The following OPCML variants were observed in gnomAD, a reference collection of about 807,000 sequenced individuals.
The protein encoded by OPCML is opioid-binding protein/cell adhesion molecule.
A neutral mutation model predicts 37.8 loss-of-function variants in OPCML; 13 were observed. That is an observed-to-expected ratio of 0.34 (90% confidence interval 0.22 to 0.55). The LOEUF (loss-of-function observed/expected upper bound fraction) is 0.55. Ranked by LOEUF, OPCML falls within the 20% of genes least tolerant of loss-of-function variation. The pLI is 0.91. For synonymous variants in OPCML, 176 were observed against 168.8 expected, an observed-to-expected ratio of 1.04 and a Z score of -0.33; for missense variants, 341 against 435.6, an observed-to-expected ratio of 0.78 and a Z score of 1.93.
intron 2 of OPCML, 111 bp from the exon 3 acceptor site, chr11:132,657,430 C>T: frequency 6.8e-7 from 1 of 1,464,440 alleles, no homozygotes; most frequent in Non-Finnish European, 9.0e-7. Flanking sequence ...AATGAAACAA[C>T]AAAACACAGT....
chr11:132,814,322 G>A (rs1206267305), intron 2 of OPCML, among the ~76,000 whole-genome samples: 3 of 152,116 alleles, frequency 2.0e-5, no homozygotes, highest in Non-Finnish European at 2.9e-5. Flanking sequence ...CGGTTATGGA[G>A]GCTGAGAAAC....
At position 133,458,559 on chromosome 11, in the gene OPCML, ATACACATATATACACGTGTGTG is replaced by A. The variant is rs1306498984; in HGVS notation, c.61+73683_61+73704del. 5.7e-3 allele frequency among the ~76,000 whole-genome samples: 500 copies of A among 87,366 alleles called. 142 individuals carry two copies. Among genetic ancestry groups the A allele is most frequent in the African/African-American group, 0.04 (378 of 9,556 alleles). The allele number at this position is 87,366 out of a possible 152,430, so 57.3% of individuals were successfully genotyped here. A position where few individuals can be genotyped will look rare whatever the true frequency, so the allele number is the denominator to read the frequency against. ...TACACATATATACACGTGTGTGTGT[ATACACATATATACACGTGTGTG>A]TACACATATATACACGTGTGTGTGT... On this transcript the variant is annotated intron_variant, in intron 1 of 7. Coordinates refer to ENST00000524381, the MANE Select transcript of OPCML (RefSeq NM_001012393.5).
intron 1 of OPCML, among the ~76,000 whole-genome samples, chr11:133,388,956 C>T (rs1186922430): frequency 6.6e-6 from 1 of 152,170 alleles, no homozygotes; most frequent in Non-Finnish European, 1.5e-5. Flanking sequence ...GGTTCTTTCC[C>T]ATCCCCATGT....
At position 132,836,996 on chromosome 11, in the gene OPCML, A is replaced by C. The variant is rs560577511; in HGVS notation, c.146+105930T>G. Among the ~76,000 whole-genome samples the C allele has an allele frequency of 8.5e-5, 13 of 152,314 alleles. 1 individual carries two copies. The highest frequency in any genetic ancestry group is 3.1e-4 in the African/African-American group (13 of 41,578). On this transcript the variant is annotated intron_variant, in intron 2 of 7. Coordinates refer to ENST00000524381, the MANE Select transcript of OPCML (RefSeq NM_001012393.5). The stretch of plus-strand genomic sequence containing the variant: ...GAGGGAAAGTGCGTGAGACCAAAAA[A>C]CGAGAAGTGGAAGTGTTTAAAACAG...
At chr11:132,916,787 A>T (rs1186543191) in intron 2 of OPCML, among the ~76,000 whole-genome samples, 1 of 152,058 alleles carries the variant, frequency 6.6e-6, no homozygotes, top group Non-Finnish European at 1.5e-5. Flanking sequence ...AGTTGAGGCT[A>T]CCCTCACCCT....
intron 1 of OPCML, among the ~76,000 whole-genome samples, chr11:133,349,745 C>T (rs1944085491): frequency 6.6e-6 from 1 of 152,192 alleles, no homozygotes; most frequent in Non-Finnish European, 1.5e-5. Flanking sequence ...AGGAAGAACA[C>T]AGCTGTGCTT....
At chr11:133,217,384 G>A (rs928995973) in intron 1 of OPCML, among the ~76,000 whole-genome samples, 1 of 152,176 alleles carries the variant, frequency 6.6e-6, no homozygotes, top group Non-Finnish European at 1.5e-5. Context: ...AAGGCCTGAA[G>A]GTTTGCATTC....
At chr11:133,502,404 C>T (rs1947936497) in intron 1 of OPCML, among the ~76,000 whole-genome samples, 2 of 152,202 alleles carry the variant, frequency 1.3e-5, no homozygotes, top group South Asian at 4.1e-4. Flanking sequence ...CCCCAGCGTC[C>T]TCGTCCAAAC....
At chr11:133,316,479 G>C (rs1264655959) in intron 1 of OPCML, among the ~76,000 whole-genome samples, 1 of 152,126 alleles carries the variant, frequency 6.6e-6, no homozygotes, top group African/African-American at 2.4e-5. Context: ...GGCGTGTCAG[G>C]GGAGGGAGAG....
intron 7 of OPCML, among the ~76,000 whole-genome samples, chr11:132,425,270 AT>A (rs147976794): frequency 0.062 from 8,897 of 143,520 alleles, 648 homozygotes; most frequent in African/African-American, 0.18. Flanking sequence ...ACAGACAAAT[AT>A]TTTTTTTAAA....
At chr11:132,462,509 T>C (rs1249951126) in intron 4 of OPCML, among the ~76,000 whole-genome samples, 2 of 152,222 alleles carry the variant, frequency 1.3e-5, no homozygotes, top group African/African-American at 4.8e-5. Context: ...CATTCTGAGC[T>C]GGAAGCGAGT....
At chr11:132,779,348 AT>A (rs1266237841) in intron 2 of OPCML, among the ~76,000 whole-genome samples, 6 of 152,042 alleles carry the variant, frequency 3.9e-5, no homozygotes, top group Non-Finnish European at 8.8e-5. Flanking sequence ...TCTCTATAAT[AT>A]TAGTCGAGAT....
intron 1 of OPCML, among the ~76,000 whole-genome samples, chr11:133,188,822 T>A (rs514337): frequency 6.6e-6 from 1 of 151,884 alleles, no homozygotes; most frequent in East Asian, 1.9e-4. Flanking sequence ...AGCTAGTATA[T>A]GTACCCTGAA....
intron 3 of OPCML, 110 bp downstream of exon 3, chr11:132,656,977 T>C: frequency 6.7e-7 from 1 of 1,503,702 alleles, no homozygotes; most frequent in East Asian, 2.3e-5. Flanking sequence ...CTGAATTCAG[T>C]AGAGGAAGAT....
rs138596018 is a variant in OPCML, at chr11:132,708,720, G to C, written c.147-51401C>G. Among the ~76,000 whole-genome samples the C allele has an allele frequency of 4.2e-3, 633 of 152,282 alleles. 5 individuals carry two copies. The highest frequency in any genetic ancestry group is 0.015 in the African/African-American group (603 of 41,558). Reference sequence around the variant, plus strand: ...CTGAAAGTTCATTAATTGGAGAAGGGAGTGAAGCTAAGAAATTTTCTCAGT... The same window carrying C: ...CTGAAAGTTCATTAATTGGAGAAGGCAGTGAAGCTAAGAAATTTTCTCAGT... On this transcript the variant is annotated intron_variant, in intron 2 of 7. Coordinates refer to ENST00000524381, the MANE Select transcript of OPCML (RefSeq NM_001012393.5).
At position 132,943,555 on chromosome 11, in the gene OPCML, G is replaced by A. The variant is rs1322337793; in HGVS notation, c.62-545C>T. ...TACAGGAGCTGTCATAAAAAGCTGC[G>A]GCTTCAAGGAGAGGAGGAAATGGTT... is the stretch of plus-strand genomic sequence containing the variant. On this transcript the variant is annotated intron_variant, in intron 1 of 7. Transcript: ENST00000524381. The surrounding 1 kb of genome is among the most constrained non-coding windows in gnomAD (Gnocchi z 4.3). 5.5e-6 allele frequency: 1 copy of A among 181,454 alleles called. No homozygotes were observed. The highest frequency in any genetic ancestry group is 5.3e-5 in the Admixed American group (1 of 18,768). 11.2% of individuals were successfully genotyped at this position (181,454 alleles called of 1,614,324 possible).
intron 2 of OPCML, among the ~76,000 whole-genome samples, chr11:132,758,518 C>A (rs888915630): frequency 6.6e-6 from 1 of 152,136 alleles, no homozygotes; most frequent in Non-Finnish European, 1.5e-5. Flanking sequence ...TCCTTCATAT[C>A]CCCTGTAAGT....
intron 1 of OPCML, among the ~76,000 whole-genome samples, chr11:132,965,932 CTTTCT>C (rs1453329748): frequency 1.3e-5 from 2 of 152,106 alleles, no homozygotes; most frequent in Non-Finnish European, 2.9e-5. Context: ...TGCATCTTTT[CTTTCT>C]TTTCATGTTC....
chr11:132,481,650 G>A (rs1459692444), intron 4 of OPCML, among the ~76,000 whole-genome samples: 3 of 151,070 alleles, frequency 2.0e-5, no homozygotes, highest in Non-Finnish European at 1.5e-5. Context: ...CTATTCCAAA[G>A]TTGACCACAT....
Sources: allele counts gnomAD v4.1 joint callset (sites outside exome capture counted in the v4.1 genomes callset), GRCh38; gene constraint gnomAD v4.1.1; non-coding constraint Gnocchi (gnomAD v3.1); transcripts MANE v1.5; gene names NCBI Gene and HGNC (gene_info 2026-07-23, HGNC 2026-07-21).